The following PRKCI variants were observed in gnomAD, a reference collection of about 807,000 sequenced individuals.
PRKCI encodes the protein protein kinase C iota type.
A neutral mutation model predicts 84.0 loss-of-function variants in PRKCI; 43 were observed. The ratio of observed to expected loss-of-function variants is 0.51; its 90% CI spans 0.40 to 0.66. The LOEUF is 0.66. Among genes scored for constraint, PRKCI ranks in the 30% least tolerant of loss-of-function variants. The pLI is 0.00. For missense variants in PRKCI, 459 were observed against 745.6 expected, an observed-to-expected ratio of 0.62 and a Z score of 4.48; for synonymous variants, 216 against 234.4, an observed-to-expected ratio of 0.92 and a Z score of 0.72.
intron 11 of PRKCI, among the ~76,000 whole-genome samples, chr3:170,283,889 C>T (rs1449885007): frequency 2.6e-5 from 4 of 152,138 alleles, no homozygotes; most frequent in Admixed American, 2.6e-4. Flanking sequence ...GGGTTGTCAC[C>T]AGTGAGTTGG....
chr3:170,297,560 T>G (rs1301563757), intron 16 of PRKCI, among the ~76,000 whole-genome samples, 167 bp downstream of exon 16: 1 of 152,160 alleles, frequency 6.6e-6, no homozygotes, highest in Non-Finnish European at 1.5e-5. Flanking sequence ...GTTCAAGCAG[T>G]TCTGTCTCTG....
chr3:170,285,636 T>C (rs1480709502), intron 12 of PRKCI, among the ~76,000 whole-genome samples: 1 of 152,234 alleles, frequency 6.6e-6, no homozygotes, highest in Non-Finnish European at 1.5e-5. Context: ...GATTTAACTT[T>C]ATTATCTGTT....
Position 170,303,264 on chromosome 3 carries a change from T to C in PRKCI, c.*137T>C, listed in dbSNP as rs1734867101. 2.1e-6 allele frequency: 1 copy of C among 477,440 alleles called. No homozygotes were observed. The highest frequency in any genetic ancestry group is 2.0e-5 in the African/African-American group (1 of 49,726). 29.6% of individuals were successfully genotyped at this position (477,440 alleles called of 1,614,324 possible). A position where few individuals can be genotyped will look rare whatever the true frequency, so the allele number is the denominator to read the frequency against. On this transcript the variant is annotated 3_prime_UTR_variant, in exon 18 of 18. Coordinates refer to ENST00000295797, the MANE Select transcript of PRKCI (RefSeq NM_002740.6). ...ACCCAATATCTTCTCTTGTAGACTA[T>C]ATGAATCAATTATTACATCTGTTTT...
At chr3:170,292,916 C>A (rs1734592672) in intron 13 of PRKCI, among the ~76,000 whole-genome samples, 1 of 145,782 alleles carries the variant, frequency 6.9e-6, no homozygotes, top group Admixed American at 7.1e-5. Flanking sequence ...TCACAGGTGC[C>A]TGTAGTCTCA....
intron 2 of PRKCI, among the ~76,000 whole-genome samples, chr3:170,235,844 C>T (rs1343693787): frequency 1.3e-5 from 2 of 151,858 alleles, no homozygotes; most frequent in South Asian, 2.1e-4. Flanking sequence ...GCATTGCAGG[C>T]GTGAGCCACT....
chr3:170,284,609 T>A lies in PRKCI; in HGVS notation c.1203+13T>A. On this transcript the variant is annotated intron_variant, in intron 12 of 17. Transcript: ENST00000295797. ...CGGCATGTGTAAGGTGAGGAAAATT[T>A]TCTAGTTATTTTAAAAGGTCTTCAG... 6.2e-7 allele frequency: 1 copy of A among 1,604,862 alleles called. No individual in the cohort carries two copies. Among genetic ancestry groups the A allele is most frequent in the Non-Finnish European group, 8.5e-7 (1 of 1,177,764 alleles).
At chr3:170,238,856 G>T (rs1446559793) in intron 2 of PRKCI, among the ~76,000 whole-genome samples, 1 of 151,974 alleles carries the variant, frequency 6.6e-6, no homozygotes, top group Non-Finnish European at 1.5e-5. Flanking sequence ...CTCCCAAAGT[G>T]CTGGGATTAC....
intron 17 of PRKCI, among the ~76,000 whole-genome samples, chr3:170,301,897 G>C (rs1245185242): frequency 5.3e-5 from 8 of 151,938 alleles, no homozygotes; most frequent in Non-Finnish European, 7.4e-5. Flanking sequence ...AGCATTTAAG[G>C]CCTCCCCACA....
chr3:170,242,750 A>T (rs1422153804), intron 2 of PRKCI, among the ~76,000 whole-genome samples: 1 of 150,312 alleles, frequency 6.7e-6, no homozygotes, highest in Non-Finnish European at 1.5e-5. Flanking sequence ...GGCTCACTGC[A>T]ACCTCGACCT....
intron 16 of PRKCI, 89 bp downstream of exon 16, chr3:170,297,482 T>C: frequency 9.5e-7 from 1 of 1,047,166 alleles, no homozygotes; most frequent in African/African-American, 1.6e-5. Flanking sequence ...TTAGACAGAG[T>C]CTTGCTCTGT....
At chr3:170,283,057 A>G (rs1438500640) in intron 11 of PRKCI, among the ~76,000 whole-genome samples, 1 of 150,410 alleles carries the variant, frequency 6.6e-6, no homozygotes, top group Non-Finnish European at 1.5e-5. Context: ...GTGAGCTGAG[A>G]TTGCGCCACT....
chr3:170,281,387 A>G (rs1472328588), intron 10 of PRKCI, 124 bp downstream of exon 10: 3 of 699,560 alleles, frequency 4.3e-6, no homozygotes, highest in Non-Finnish European at 7.2e-6. Context: ...TGTTAGGCTT[A>G]TAACTTCCTG....
intron 12 of PRKCI, among the ~76,000 whole-genome samples, chr3:170,291,320 G>A (rs781339801): frequency 2.6e-5 from 4 of 151,980 alleles, no homozygotes; most frequent in Admixed American, 6.6e-5. Context: ...AATTCAAGTC[G>A]TACCTTAATT....
chr3:170,235,566 C>CTTTTTTTTTTTTTTTTTTTTTTTT (rs199938459), intron 2 of PRKCI, among the ~76,000 whole-genome samples: 1 of 136,240 alleles, frequency 7.3e-6, no homozygotes, highest in Non-Finnish European at 1.6e-5. Flanking sequence ...ATTAACTTGA[C>CTTTTTTTTTTTTTTTTTTTTTTTT]TTTTTTTTTT....
intron 16 of PRKCI, 118 bp from the exon 17 acceptor site, chr3:170,298,877 T>C: frequency 2.9e-6 from 2 of 681,654 alleles, no homozygotes; most frequent in East Asian, 2.9e-5. Context: ...GCTAATATCA[T>C]TGAACCATGC....
chr3:170,297,960 CCACCTCCTGGGTT>C (rs1479050161), intron 16 of PRKCI, among the ~76,000 whole-genome samples: 6 of 151,680 alleles, frequency 4.0e-5, no homozygotes. Context: ...ACTGCAACCT[CCACCTCCTGGGTT>C]CAAGCAATTC....
intron 6 of PRKCI, 69 bp from the exon 7 acceptor site, chr3:170,273,217 G>A: frequency 8.0e-7 from 1 of 1,254,466 alleles, no homozygotes; most frequent in Non-Finnish European, 1.2e-6. Flanking sequence ...GTGTGTTGTT[G>A]AAATAGTGTT....
Position 170,270,672 on chromosome 3 carries a change from T to C in PRKCI, c.591+111T>C, listed in dbSNP as rs866040192. On this transcript the variant is annotated intron_variant, in intron 6 of 17. Coordinates refer to ENST00000295797, the MANE Select transcript of PRKCI (RefSeq NM_002740.6). ...GTTCAGGAATTACAGCACAACAGAG[T>C]AGCTACAGAGTATGGGGAGGAATAC... The C allele has an allele frequency of 3.9e-6, 5 of 1,294,688 alleles. No individual in the cohort carries two copies. The Middle Eastern group carries it at 1.3e-3, about 327-fold the overall frequency. 80.2% of individuals were successfully genotyped at this position (1,294,688 alleles called of 1,614,324 possible). A position where few individuals can be genotyped will look rare whatever the true frequency, so the allele number is the denominator to read the frequency against.
chr3:170,250,048 G>A (rs141506961), intron 2 of PRKCI, among the ~76,000 whole-genome samples: 48 of 152,136 alleles, frequency 3.2e-4, no homozygotes, highest in East Asian at 1.4e-3. Flanking sequence ...GGCCTAGGCC[G>A]GTGGATCACC....
Sources: allele counts gnomAD v4.1 joint callset (sites outside exome capture counted in the v4.1 genomes callset), GRCh38; gene constraint gnomAD v4.1.1; transcripts MANE v1.5; gene names NCBI Gene and HGNC (gene_info 2026-07-23, HGNC 2026-07-21).